Variants in ERCC3 observed in about 807,000 individuals in gnomAD.
ERCC3 encodes general transcription and DNA repair factor IIH helicase/translocase subunit XPB.
Under a neutral mutation model 94.2 loss-of-function variants are expected in ERCC3, and 66 were observed. The observed-to-expected ratio is 0.70, with a 90% confidence interval of 0.57 to 0.86. ERCC3 has a LOEUF of 0.86. Among genes scored for constraint, ERCC3 ranks in the 40% least tolerant of loss-of-function variants. The pLI is 0.00. For missense variants in ERCC3, 829 were observed against 987.1 expected (o/e 0.84, Z 2.15); for synonymous variants, 349 against 369.1 (o/e 0.95, Z 0.63).
In ERCC3 at chr2:127,289,731, C is replaced by A. The variant is rs13427563; in HGVS notation, c.615G>T (p.Glu205Asp). 1.9e-6 allele frequency: 3 copies of A among 1,614,110 alleles called. No homozygotes were observed. Among genetic ancestry groups the A allele is most frequent in the Non-Finnish European group, 2.5e-6 (3 of 1,180,028 alleles). ...RECRLRNSEG[E>D]ATELITETFT... ...AAGTCTCTGTGATGAGCTCAGTGGC[C>A]TCCCCTTCAGAGTTTCTTAAGCGGC... The change falls in exon 5 of 15, where the codon GAG (glutamate) becomes GAT (aspartate). Residue 205 changes from glutamate (E) to aspartate (D), a missense_variant. Glu to Asp is a conservative substitution (Grantham distance 45). Coordinates refer to ENST00000285398, the MANE Select transcript of ERCC3 (RefSeq NM_000122.2).
At chr2:127,275,043 C>T (rs1277603306) in intron 10 of ERCC3, among the ~76,000 whole-genome samples, 1 of 152,158 alleles carries the variant, frequency 6.6e-6, no homozygotes, top group African/African-American at 2.4e-5. Flanking sequence ...CGATGCTCTG[C>T]CCACAGCCCC....
rs1684834454 is a variant in ERCC3, at chr2:127,279,285, T to A, written c.1618A>T (p.Lys540Ter). ...RILLYTMNPN[K>*]FRACQFLIKF... The stretch of plus-strand genomic sequence containing the variant: ...ATCAGAAACTGGCAAGCTCTAAATT[T>A]GTTGGGGTTCATGGTGTACAGCAAG... Residue 540 changes from lysine (K) to a stop codon, truncating the protein, a stop_gained, in exon 10 of 15, where the codon AAA (lysine) becomes TAA (stop). Transcript: ENST00000285398. LOFTEE classifies it high-confidence loss of function. The surrounding 1 kb of genome is among the most constrained non-coding windows in gnomAD (Gnocchi z 4.7). 1 of 1,613,926 alleles carries A rather than the reference T, an allele frequency of 6.2e-7. No homozygotes were observed. The highest frequency in any genetic ancestry group is 1.3e-5 in the African/African-American group (1 of 74,934).
intron 11 of ERCC3, among the ~76,000 whole-genome samples, chr2:127,272,004 TTTC>T (rs1684569491): frequency 1.4e-5 from 2 of 139,366 alleles, no homozygotes; most frequent in South Asian, 2.3e-4. Context: ...TAAAATCTCA[TTTC>T]TTTTTTTTTT....
Position 127,292,739 on chromosome 2 carries a change from A to T in ERCC3, c.342T>A (p.His114Gln). 6.2e-7 allele frequency: 1 copy of T among 1,614,112 alleles called. No homozygotes were observed. Among genetic ancestry groups the T allele is most frequent in the Non-Finnish European group, 8.5e-7 (1 of 1,180,002 alleles). The change falls in exon 3 of 15, where the codon CAT becomes CAA. Residue 114 changes from histidine (H) to glutamine (Q), a missense_variant. His to Gln is a conservative substitution (Grantham distance 24, BLOSUM62 0). Coordinates refer to ENST00000285398, the MANE Select transcript of ERCC3 (RefSeq NM_000122.2). ...AEPVCRPTHV[H>Q]EYKLTAYSLY... ...AGGAGTAGGCAGTTAGTTTGTACTC[A>T]TGCACATGGGTTGGTCGGCACACTG...
intron 7 of ERCC3, among the ~76,000 whole-genome samples, chr2:127,288,314 C>T (rs1685146593): frequency 6.6e-6 from 1 of 152,210 alleles, no homozygotes; most frequent in Non-Finnish European, 1.5e-5. Context: ...GCAACAGCCC[C>T]TTGCCATCAT....
chr2:127,280,711 G>C lies in ERCC3; in HGVS notation c.1343-80C>G, dbSNP rs1684881659. ...TATTTATTTTAAAATATTTTTTGTA[G>C]AGATGGGGTCTCATTATATTGCCCA... On this transcript the variant is annotated intron_variant, in intron 8 of 14. Transcript: ENST00000285398. This position sits in a 1 kb window ranked among gnomAD's most constrained non-coding sequence, Gnocchi z 6.3. 1 of 1,300,346 alleles carries C rather than the reference G, an allele frequency of 7.7e-7. No homozygotes were observed. The highest frequency in any genetic ancestry group is 1.5e-5 in the African/African-American group (1 of 67,488). 80.6% of individuals were successfully genotyped at this position (1,300,346 alleles called of 1,614,324 possible).
In ERCC3 at chr2:127,258,681, C is replaced by A. The variant is rs1684096739; in HGVS notation, c.2217+615G>T. On this transcript the variant is annotated intron_variant, in intron 14 of 14. Transcript: ENST00000285398. This position sits in a 1 kb window ranked among gnomAD's most constrained non-coding sequence, Gnocchi z 4.1. ...ACGCACCTGACTGAAGTGCACTTCT[C>A]CCCTTGGACAGGCCTGCTAATTCTC... Among the ~76,000 whole-genome samples, 1 of 152,176 alleles carries A rather than the reference C, an allele frequency of 6.6e-6. No individual in the cohort carries two copies. The highest frequency in any genetic ancestry group is 1.5e-5 in the Non-Finnish European group (1 of 68,032).
chr2:127,262,735 A>C (rs1573929625), intron 12 of ERCC3: 1 of 152,306 alleles, frequency 6.6e-6, no homozygotes, highest in East Asian at 1.9e-4. Context: ...TGATAGTTGC[A>C]CAACTTTGTG....
chr2:127,280,850 T>G lies in ERCC3; in HGVS notation c.1343-219A>C, dbSNP rs1449470803. Reference sequence around the variant, plus strand: ...CCTACACTGTCACTTTTTCAAATGCTCATAGCTGTGCAACTTAACACTGGC... The same window carrying G: ...CCTACACTGTCACTTTTTCAAATGCGCATAGCTGTGCAACTTAACACTGGC... On this transcript the variant is annotated intron_variant, in intron 8 of 14. Transcript: ENST00000285398. This position sits in a 1 kb window ranked among gnomAD's most constrained non-coding sequence, Gnocchi z 6.3. 15 of 578,504 alleles carry G rather than the reference T, an allele frequency of 2.6e-5. No homozygotes were observed. In the South Asian group the frequency reaches 3.5e-4, roughly 13 times the overall value. The allele number at this position is 578,504 out of a possible 1,614,324, so 35.8% of individuals were successfully genotyped here.
chr2:127,282,029 A>G (rs548192749), intron 8 of ERCC3, among the ~76,000 whole-genome samples: 74 of 152,254 alleles, frequency 4.9e-4, no homozygotes, highest in African/African-American at 1.5e-3. Context: ...ACACCCCTCT[A>G]TTACACTCTC....
chr2:127,259,211 G>A lies in ERCC3; in HGVS notation c.2217+85C>T, dbSNP rs1684114114. Reference sequence around the variant, plus strand: ...AAAAAAATCCCATGGGCCCATCCAGGCAGGACTACATGTCTGTGTCTGTGT... The same window carrying A: ...AAAAAAATCCCATGGGCCCATCCAGACAGGACTACATGTCTGTGTCTGTGT... On this transcript the variant is annotated intron_variant, in intron 14 of 14. Transcript: ENST00000285398. The surrounding 1 kb of genome is among the most constrained non-coding windows in gnomAD (Gnocchi z 4.9). The A allele has an allele frequency of 6.7e-7, 1 of 1,495,444 alleles. No homozygotes were observed. The highest frequency in any genetic ancestry group is 2.3e-5 in the East Asian group (1 of 44,190). The allele number at this position is 1,495,444 out of a possible 1,614,324, so 92.6% of individuals were successfully genotyped here.
In ERCC3 at chr2:127,286,882, T is replaced by C. The variant is rs370645943; in HGVS notation, c.1163A>G (p.Gln388Arg). Residue 388 changes from glutamine (Q) to arginine (R), a missense_variant, in exon 8 of 15, where the codon CAG (glutamine) becomes CGG (arginine). Physicochemically the swap from Gln to Arg is conservative, Grantham distance 43 (BLOSUM62 1). Coordinates refer to ENST00000285398, the MANE Select transcript of ERCC3 (RefSeq NM_000122.2). ...GGCATCGGAGGTGAACCGGCAGATC[T>C]GGCTGTCGTCAATGGTGGACCACAT... ...FKMWSTIDDS[Q>R]ICRFTSDAKD... 5 of 1,614,210 alleles carry C rather than the reference T, an allele frequency of 3.1e-6. No homozygotes were observed. The highest frequency in any genetic ancestry group is 4.2e-6 in the Non-Finnish European group (5 of 1,180,040).
chr2:127,262,448 G>GC (rs1446635153), intron 12 of ERCC3: 2 of 152,262 alleles, frequency 1.3e-5, no homozygotes, highest in African/African-American at 4.8e-5. Context: ...AGCCAAGATC[G>GC]CCCCACTGTA....
chr2:127,293,452 C>A (rs748272270), intron 2 of ERCC3, 61 bp downstream of exon 2: 21 of 1,498,038 alleles, frequency 1.4e-5, no homozygotes, highest in Non-Finnish European at 1.9e-5. Context: ...CTGAGGATGC[C>A]CAAGATTTAG....
chr2:127,285,285 T>A (rs1685029033), intron 8 of ERCC3, among the ~76,000 whole-genome samples: 2 of 152,172 alleles, frequency 1.3e-5, no homozygotes, highest in South Asian at 4.1e-4. Flanking sequence ...GGTGGCCGAA[T>A]GCAGTGGCTC....
At position 127,280,473 on chromosome 2, in the gene ERCC3, AG is replaced by A. The variant is rs765902612; in HGVS notation, c.1500del (p.Tyr501ThrfsTer36). The A allele has an allele frequency of 1.2e-6, 2 of 1,613,440 alleles. No individual in the cohort carries two copies. Among genetic ancestry groups the A allele is most frequent in the Non-Finnish European group, 8.5e-7 (1 of 1,179,782 alleles). ...EANWMELQNN[G>X]YIAKVQCAEV... ...TCAGCACACTGGACTTTGGCGATGTAGCCATTATTCTGCAGCTCCATCCAGT... is the reference window on the plus strand; with the variant it reads ...TCAGCACACTGGACTTTGGCGATGTACCATTATTCTGCAGCTCCATCCAGT... On this transcript the variant is annotated frameshift_variant, in exon 9 of 15. Coordinates refer to ENST00000285398, the MANE Select transcript of ERCC3 (RefSeq NM_000122.2). LOFTEE classifies it high-confidence loss of function. This position sits in a 1 kb window ranked among gnomAD's most constrained non-coding sequence, Gnocchi z 6.3.
In ERCC3 at chr2:127,277,074, A is replaced by T. The variant is rs1684754372; in HGVS notation, c.1730+2099T>A. Among the ~76,000 whole-genome samples, 1 of 152,184 alleles carries T rather than the reference A, an allele frequency of 6.6e-6. No individual in the cohort carries two copies. Among genetic ancestry groups the T allele is most frequent in the Non-Finnish European group, 1.5e-5 (1 of 68,034 alleles). ...ATGTGCTCCATCAAAATGAGTAACCAAGAGGGTGGAGATTTCAGGGTGGGA... is the reference window on the plus strand; with the variant it reads ...ATGTGCTCCATCAAAATGAGTAACCTAGAGGGTGGAGATTTCAGGGTGGGA... On this transcript the variant is annotated intron_variant, in intron 10 of 14. Transcript: ENST00000285398. The surrounding 1 kb of genome is among the most constrained non-coding windows in gnomAD (Gnocchi z 5.1).
intron 8 of ERCC3, among the ~76,000 whole-genome samples, chr2:127,281,780 C>A (rs1261392962): frequency 6.6e-6 from 1 of 152,144 alleles, no homozygotes; most frequent in African/African-American, 2.4e-5. Flanking sequence ...CACACACACA[C>A]ACACACAACA....
chr2:127,267,227 C>CT (rs1320490865), intron 12 of ERCC3, among the ~76,000 whole-genome samples: 2 of 152,182 alleles, frequency 1.3e-5, no homozygotes, highest in African/African-American at 4.8e-5. Flanking sequence ...GTGTGGCTGT[C>CT]TAAGCCTTTT....
Sources: gnomAD v4.1 joint callset for allele counts (sites outside exome capture counted in the v4.1 genomes callset) on GRCh38, gnomAD v4.1.1 for gene constraint, Gnocchi (gnomAD v3.1) non-coding constraint, MANE v1.5 for transcripts, NCBI Gene and HGNC (gene_info 2026-07-23, HGNC 2026-07-21) for gene names.